The following PAWR variants were observed in gnomAD, a reference collection of about 807,000 sequenced individuals.
PAWR encodes PRKC apoptosis WT1 regulator protein.
A neutral mutation model predicts 32.0 loss-of-function variants in PAWR; 23 were observed. The observed-to-expected ratio is 0.72, with a 90% CI of 0.52 to 1.02. The LOEUF (loss-of-function observed/expected upper bound fraction) is 1.02. Ranked by LOEUF, PAWR falls within the 50% of genes least tolerant of loss-of-function variation. The pLI is 0.00. For synonymous variants in PAWR, 226 were observed against 187.1 expected (o/e 1.21, Z -1.70); for missense variants, 457 against 437.7 (o/e 1.04, Z -0.39).
chr12:79,629,886 G>A lies in PAWR; in HGVS notation c.517-8679C>T, dbSNP rs557424618. On this transcript the variant is annotated intron_variant, in intron 2 of 6. Transcript: ENST00000328827. ...TGGAAATTAATTCACAAATAATCAC[G>A]TGAAAAAAGAAATCACAAGTAGAAA... 2.6e-4 allele frequency among the ~76,000 whole-genome samples: 40 copies of A among 151,868 alleles called. 1 individual carries two copies. Among genetic ancestry groups the A allele is most frequent in the African/African-American group, 9.2e-4 (38 of 41,466 alleles).
At chr12:79,649,599 G>A (rs568249264) in intron 2 of PAWR, among the ~76,000 whole-genome samples, 10 of 152,098 alleles carry the variant, frequency 6.6e-5, no homozygotes, top group African/African-American at 2.4e-4. Context: ...CCAGCCCGGT[G>A]CAACATAGCA....
At chr12:79,684,955 G>A (rs1194130913) in intron 2 of PAWR, among the ~76,000 whole-genome samples, 1 of 152,174 alleles carries the variant, frequency 6.6e-6, no homozygotes, top group East Asian at 1.9e-4. Flanking sequence ...ATGACCTGAA[G>A]CAAGTAACAT....
At chr12:79,623,293 A>G (rs933597837) in intron 2 of PAWR, among the ~76,000 whole-genome samples, 3 of 152,182 alleles carry the variant, frequency 2.0e-5, no homozygotes, top group Non-Finnish European at 4.4e-5. Context: ...TCACTAGACA[A>G]TATCTTGTTT....
At chr12:79,637,780 C>T (rs559128164) in intron 2 of PAWR, among the ~76,000 whole-genome samples, 2 of 151,658 alleles carry the variant, frequency 1.3e-5, no homozygotes, top group Non-Finnish European at 2.9e-5. Context: ...AAATTTAAAA[C>T]GTACAAATTT....
At chr12:79,654,653 ACAT>A (rs1239378544) in intron 2 of PAWR, among the ~76,000 whole-genome samples, 1 of 152,234 alleles carries the variant, frequency 6.6e-6, no homozygotes, top group African/African-American at 2.4e-5. Flanking sequence ...TCACAGTTCC[ACAT>A]GGCTGTGGAG....
At chr12:79,688,987 A>G (rs1311737946) in intron 2 of PAWR, among the ~76,000 whole-genome samples, 1 of 152,204 alleles carries the variant, frequency 6.6e-6, no homozygotes, top group Non-Finnish European at 1.5e-5. Context: ...GCTACCTGTA[A>G]CGTTTCGAAA....
chr12:79,659,530 A>G (rs1877251392), intron 2 of PAWR, among the ~76,000 whole-genome samples: 1 of 152,200 alleles, frequency 6.6e-6, no homozygotes, highest in Non-Finnish European at 1.5e-5. Context: ...GAGAAAGCCC[A>G]TTAGCATACA....
Position 79,651,710 on chromosome 12 carries a change from TG to T in PAWR, c.517-30504del, listed in dbSNP as rs1398785475. ...GGGCTCACAAAAAAATGGCGGGGGC[TG>T]GGGGGGTGGGGCCAGGTGGGAATTT... On this transcript the variant is annotated intron_variant, in intron 2 of 6. Coordinates refer to ENST00000328827, the MANE Select transcript of PAWR (RefSeq NM_002583.4). Among the ~76,000 whole-genome samples the T allele has an allele frequency of 2.7e-4, 6 of 22,572 alleles. No homozygotes were observed. The Admixed American group carries it at 6.9e-3, about 26-fold the overall frequency. 14.8% of individuals were successfully genotyped at this position (22,572 alleles called of 152,430 possible).
Position 79,621,045 on chromosome 12 carries a change from T to C in PAWR, c.648+31A>G, listed in dbSNP as rs376734159. Reference sequence around the variant, plus strand: ...ATTGAAAAATTGCCATTAAAATAGATAGTGACTTCCTGGTATTTTTAAATA... The same window carrying C: ...ATTGAAAAATTGCCATTAAAATAGACAGTGACTTCCTGGTATTTTTAAATA... On this transcript the variant is annotated intron_variant, in intron 3 of 6. Transcript: ENST00000328827. The C allele has an allele frequency of 5.2e-6, 8 of 1,541,896 alleles. No individual in the cohort carries two copies. The Admixed American group carries it at 1.6e-4, about 30-fold the overall frequency.
chr12:79,650,343 G>T (rs1876781491), intron 2 of PAWR, among the ~76,000 whole-genome samples: 1 of 152,174 alleles, frequency 6.6e-6, no homozygotes, highest in African/African-American at 2.4e-5. Context: ...ACTGTACCTT[G>T]TTATCAACAA....
chr12:79,664,658 C>CG (rs10700018), intron 2 of PAWR, among the ~76,000 whole-genome samples: 86,590 of 127,966 alleles, frequency 0.68, 32,049 homozygotes, highest in Non-Finnish European at 0.8. Flanking sequence ...GACTCTTTGG[C>CG]GGGGGGGGGA....
At chr12:79,685,365 G>A (rs1271507491) in intron 2 of PAWR, among the ~76,000 whole-genome samples, 2 of 152,066 alleles carry the variant, frequency 1.3e-5, no homozygotes, top group Non-Finnish European at 2.9e-5. Context: ...AATAACAAAA[G>A]GCATTTCTTA....
chr12:79,648,277 A>G, intron 2 of PAWR, among the ~76,000 whole-genome samples: 1 of 152,212 alleles, frequency 6.6e-6, no homozygotes, highest in East Asian at 1.9e-4. Flanking sequence ...TAGCATTCCA[A>G]GAAGGTACTG....
intron 2 of PAWR, among the ~76,000 whole-genome samples, chr12:79,652,029 A>C (rs2136800159): frequency 6.6e-6 from 1 of 152,292 alleles, no homozygotes; most frequent in Middle Eastern, 3.4e-3. Context: ...TCCCTTCTAC[A>C]AAGTACCTAG....
At chr12:79,633,855 TA>T (rs1007213162) in intron 2 of PAWR, among the ~76,000 whole-genome samples, 14 of 151,706 alleles carry the variant, frequency 9.2e-5, no homozygotes, top group Non-Finnish European at 1.8e-4. Flanking sequence ...CCTTCTGGTT[TA>T]AAAAAAAATC....
chr12:79,607,743 A>AAAT (rs1555234264), intron 4 of PAWR, among the ~76,000 whole-genome samples: 19 of 127,846 alleles, frequency 1.5e-4, no homozygotes, highest in East Asian at 6.3e-4. Flanking sequence ...AAAAAAAAAA[A>AAAT]AATAATAATA....
intron 2 of PAWR, among the ~76,000 whole-genome samples, chr12:79,678,868 A>ACT (rs1555178989): frequency 1.4e-4 from 18 of 127,826 alleles, no homozygotes; most frequent in Non-Finnish European, 2.5e-4. Flanking sequence ...CCTTTAGGGT[A>ACT]TTTTTTTTTT....
At chr12:79,663,813 T>A (rs1177718148) in intron 2 of PAWR, among the ~76,000 whole-genome samples, 1 of 152,114 alleles carries the variant, frequency 6.6e-6, no homozygotes, top group Non-Finnish European at 1.5e-5. Flanking sequence ...AGTGTGAACT[T>A]CTGACACAGA....
intron 2 of PAWR, among the ~76,000 whole-genome samples, chr12:79,651,295 A>G (rs1365445641): frequency 1.3e-5 from 2 of 152,238 alleles, no homozygotes; most frequent in Non-Finnish European, 2.9e-5. Flanking sequence ...TGAAAAGGCA[A>G]TTCAGAAAAG....
Sources: gnomAD v4.1 joint callset for allele counts (sites outside exome capture counted in the v4.1 genomes callset) on GRCh38, gnomAD v4.1.1 for gene constraint, MANE v1.5 for transcripts, NCBI Gene and HGNC (gene_info 2026-07-23, HGNC 2026-07-21) for gene names.